ESRRG: variants seen among roughly 807,000 people sequenced by gnomAD.
ESRRG encodes the protein estrogen-related receptor gamma.
In ESRRG, 13 loss-of-function variants were observed where a neutral mutation model predicts 44.0. That is an observed-to-expected ratio of 0.30 (90% CI 0.19 to 0.47). ESRRG has a LOEUF of 0.47. Among genes scored for constraint, ESRRG ranks in the 20% least tolerant of loss-of-function variants. The pLI is 1.00. For synonymous variants in ESRRG, 215 were observed against 214.6 expected, an observed-to-expected ratio of 1.00 and a Z score of -0.02; for missense variants, 395 against 580.6, an observed-to-expected ratio of 0.68 and a Z score of 3.29.
chr1:216,629,349 T>G (rs2063723476), intron 3 of ESRRG, among the ~76,000 whole-genome samples: 1 of 152,232 alleles, frequency 6.6e-6, no homozygotes, highest in Admixed American at 6.5e-5. Context: ...TTTTTTTTTC[T>G]TAAGCATAAA....
intron 2 of ESRRG, chr1:216,864,928 C>T (rs1164986399): frequency 1.3e-5 from 2 of 151,986 alleles, no homozygotes; most frequent in African/African-American, 4.8e-5. Context: ...ATCACAGAGG[C>T]TCAAAGCTGG....
chr1:217,053,411 C>T (rs887464041), intron 1 of ESRRG, among the ~76,000 whole-genome samples: 8 of 149,382 alleles, frequency 5.4e-5, no homozygotes, highest in East Asian at 2.0e-4. Context: ...GCCGAGATTG[C>T]GCCACTGCAC....
intron 2 of ESRRG, among the ~76,000 whole-genome samples, chr1:216,769,751 T>G (rs2093299989): frequency 6.6e-6 from 1 of 152,232 alleles, no homozygotes; most frequent in Admixed American, 6.6e-5. Context: ...TGTCAGGAAT[T>G]TTCAAGTGAC....
chr1:216,590,142 T>C (rs1425233829), intron 3 of ESRRG, among the ~76,000 whole-genome samples: 1 of 151,976 alleles, frequency 6.6e-6, no homozygotes, highest in East Asian at 1.9e-4. Flanking sequence ...GATCCTTATC[T>C]ATGCCAAAAC....
intron 5 of ESRRG, among the ~76,000 whole-genome samples, chr1:216,560,119 A>C (rs11117618): frequency 0.18 from 26,945 of 152,148 alleles, 2,629 homozygotes; most frequent in African/African-American, 0.23. Flanking sequence ...ATGTGAATAC[A>C]TATACTTAAA....
intron 2 of ESRRG, among the ~76,000 whole-genome samples, chr1:216,846,176 T>G (rs2095744760): frequency 6.6e-6 from 1 of 152,190 alleles, no homozygotes; most frequent in South Asian, 2.1e-4. Context: ...ACATGGTCAA[T>G]ATCGTACACT....
chr1:216,946,183 AG>A (rs965167763), intron 1 of ESRRG, among the ~76,000 whole-genome samples: 3 of 152,228 alleles, frequency 2.0e-5, no homozygotes, highest in Admixed American at 6.5e-5. Context: ...ATTCATCTTT[AG>A]GTTTTGATCA....
At chr1:216,594,717 C>T (rs762952286) in intron 3 of ESRRG, among the ~76,000 whole-genome samples, 2 of 152,222 alleles carry the variant, frequency 1.3e-5, no homozygotes, top group Non-Finnish European at 2.9e-5. Flanking sequence ...CCTTCCTCCT[C>T]TCCTGGAGAC....
chr1:216,714,217 A>G (rs1414918843), intron 1 of ESRRG, among the ~76,000 whole-genome samples: 1 of 152,172 alleles, frequency 6.6e-6, no homozygotes, highest in African/African-American at 2.4e-5. Context: ...CAAATATAAA[A>G]AGTTGAAGGC....
intron 1 of ESRRG, among the ~76,000 whole-genome samples, chr1:217,076,024 G>A (rs75975143): frequency 0.04 from 6,073 of 152,214 alleles, 181 homozygotes; most frequent in Non-Finnish European, 0.052. Context: ...CTATTCAGAA[G>A]AATCTATATG....
intron 1 of ESRRG, among the ~76,000 whole-genome samples, chr1:217,135,849 A>G (rs1052709864): frequency 3.3e-5 from 5 of 152,172 alleles, no homozygotes; most frequent in African/African-American, 1.2e-4. Flanking sequence ...GTAGCCTATA[A>G]ATAGCAAACT....
intron 1 of ESRRG, among the ~76,000 whole-genome samples, chr1:216,971,262 C>A (rs1233667998): frequency 2.6e-5 from 4 of 152,166 alleles, no homozygotes; most frequent in Non-Finnish European, 5.9e-5. Flanking sequence ...AAAGTGAGAT[C>A]TATAAGAATC....
rs763291110 is a variant in ESRRG, at chr1:216,912,107, GAAGAAAAGAAAAGAAAAGAAAAGAA to G, written c.-14+27450_-14+27474del. ...GAGCAAGACCCACCCTGTAAAAAAAGAAGAAAAGAAAAGAAAAGAAAAGAAAAGAAAAGAAAAGAAAAGAAAAGAA... is the reference window on the plus strand; with the variant it reads ...GAGCAAGACCCACCCTGTAAAAAAAGAAGAAAAGAAAAGAAAAGAAAAGAA... On this transcript the variant is annotated intron_variant, in intron 2 of 7. Transcript: ENST00000359162. Among the ~76,000 whole-genome samples, 43 of 74,376 alleles carry G rather than the reference GAAGAAAAGAAAAGAAAAGAAAAGAA, an allele frequency of 5.8e-4. 2 individuals carry two copies. Among genetic ancestry groups the G allele is most frequent in the South Asian group, 1.4e-3 (3 of 2,122 alleles). 48.8% of individuals were successfully genotyped at this position (74,376 alleles called of 152,430 possible).
At chr1:216,973,381 C>T (rs1271009253) in intron 1 of ESRRG, among the ~76,000 whole-genome samples, 15 of 152,086 alleles carry the variant, frequency 9.9e-5, no homozygotes, top group Non-Finnish European at 1.8e-4. Context: ...CCACTCAGTC[C>T]CCTTCCATAG....
chr1:216,823,896 C>T (rs916844990), intron 2 of ESRRG, among the ~76,000 whole-genome samples: 4 of 152,112 alleles, frequency 2.6e-5, no homozygotes, highest in African/African-American at 4.8e-5. Context: ...TGACTGACTG[C>T]CTTTCATTGC....
At chr1:217,134,705 T>C (rs6696627) in intron 1 of ESRRG, among the ~76,000 whole-genome samples, 79,872 of 152,162 alleles carry the variant, frequency 0.52, 21,992 homozygotes, top group African/African-American at 0.7. Context: ...CTTCCCCGCG[T>C]GTTTGGCGCG....
chr1:216,748,963 G>A (rs1390495395), intron 2 of ESRRG, among the ~76,000 whole-genome samples: 3 of 152,016 alleles, frequency 2.0e-5, no homozygotes, highest in Non-Finnish European at 4.4e-5. Context: ...GTTGCCTACG[G>A]TCGACGTAGA....
chr1:216,705,063 T>C (rs1326521252), intron 1 of ESRRG, among the ~76,000 whole-genome samples: 1 of 152,204 alleles, frequency 6.6e-6, no homozygotes, highest in Non-Finnish European at 1.5e-5. Flanking sequence ...CAGTGTCTAT[T>C]TCAGTATAAA....
intron 2 of ESRRG, among the ~76,000 whole-genome samples, chr1:216,803,222 C>G (rs1385399531): frequency 2.6e-5 from 4 of 152,108 alleles, no homozygotes; most frequent in Non-Finnish European, 5.9e-5. Flanking sequence ...AGACACAGTT[C>G]TAAGGATAAA....
Sources: gnomAD v4.1 joint callset for allele counts (sites outside exome capture counted in the v4.1 genomes callset) on GRCh38, gnomAD v4.1.1 for gene constraint, MANE v1.5 for transcripts, NCBI Gene and HGNC (gene_info 2026-07-23, HGNC 2026-07-21) for gene names.